The following PDE1A variants were observed in gnomAD, a reference collection of about 807,000 sequenced individuals.
The protein encoded by PDE1A is phosphodiesterase 1A, also known as dual specificity calcium/calmodulin-dependent 3',5'-cyclic nucleotide phosphodiesterase 1A.
A neutral mutation model predicts 61.7 loss-of-function variants in PDE1A; 35 were observed. The observed-to-expected ratio is 0.57, with a 90% CI of 0.43 to 0.75. The LOEUF is 0.75. Ranked by LOEUF, PDE1A falls within the 30% of genes least tolerant of loss-of-function variation. The pLI is 0.00. For synonymous variants in PDE1A, 232 were observed against 213.2 expected (o/e 1.09, Z -0.77); for missense variants, 597 against 630.6 (o/e 0.95, Z 0.57).
chr2:182,241,040 T>C (rs918169659), intron 2 of PDE1A, among the ~76,000 whole-genome samples: 3 of 152,256 alleles, frequency 2.0e-5, no homozygotes, highest in South Asian at 4.2e-4. Flanking sequence ...ACTGAAACAA[T>C]GACCACGCTC....
intron 2 of PDE1A, among the ~76,000 whole-genome samples, chr2:182,247,017 T>C (rs1691022810): frequency 6.6e-6 from 1 of 152,236 alleles, no homozygotes. Context: ...GAAGTTTTAA[T>C]GTATACTCCT....
chr2:182,517,053 T>C (rs55893866), intron 2 of PDE1A, among the ~76,000 whole-genome samples: 51,017 of 152,072 alleles, frequency 0.34, 9,129 homozygotes, highest in Middle Eastern at 0.41. Context: ...TAAGTCTGCC[T>C]ACCCCAAGCC....
At chr2:182,324,689 C>T (rs933071927) in intron 1 of PDE1A, among the ~76,000 whole-genome samples, 1 of 152,178 alleles carries the variant, frequency 6.6e-6, no homozygotes, top group Non-Finnish European at 1.5e-5. Context: ...GCTCATCCCA[C>T]GTCTGTACTC....
chr2:182,315,748 G>C (rs934819864), intron 1 of PDE1A, among the ~76,000 whole-genome samples: 8 of 152,200 alleles, frequency 5.3e-5, no homozygotes, highest in African/African-American at 1.4e-4. Context: ...TGCCTGCCCA[G>C]ACTCCCAGCA....
Position 182,344,064 on chromosome 2 carries a change from G to A in PDE1A, c.54-79650C>T, listed in dbSNP as rs181982896. On this transcript the variant is annotated intron_variant, in intron 1 of 13. Coordinates refer to ENST00000351439, the Ensembl canonical transcript of PDE1A. ...TTTTAATATTTTTTGTAGATTCAAAGTCTCATTATGTTGCCCAGGTTGGTC... is the reference window on the plus strand; with the variant it reads ...TTTTAATATTTTTTGTAGATTCAAAATCTCATTATGTTGCCCAGGTTGGTC... Among the ~76,000 whole-genome samples, 5 of 152,008 alleles carry A rather than the reference G, an allele frequency of 3.3e-5. No individual in the cohort carries two copies. In the East Asian group the frequency reaches 5.8e-4, roughly 18 times the overall value.
At chr2:182,651,860 G>C in the PDE1A span, among the ~76,000 whole-genome samples, 33 of 152,228 alleles carry the variant, frequency 2.2e-4, 1 homozygote, top group Admixed American at 1.8e-3. Context: ...AGGCCTAATA[G>C]GAATATGTGA....
chr2:182,532,111 T>TAA, the PDE1A span, among the ~76,000 whole-genome samples: 6 of 151,946 alleles, frequency 3.9e-5, no homozygotes, highest in East Asian at 3.8e-4. Context: ...ACCATTTTGG[T>TAA]AAAAAAAATT....
the PDE1A span, among the ~76,000 whole-genome samples, chr2:182,664,567 C>T: frequency 2.3e-4 from 35 of 152,242 alleles, no homozygotes; most frequent in African/African-American, 8.2e-4. Context: ...AATGACAACG[C>T]ATTTGGCTTA....
chr2:182,602,496 G>T, the PDE1A span, among the ~76,000 whole-genome samples: 1 of 152,268 alleles, frequency 6.6e-6, no homozygotes, highest in South Asian at 2.1e-4. Context: ...TCAACCCACA[G>T]ATTCAGGAAC....
At chr2:182,707,524 C>T in the PDE1A span, among the ~76,000 whole-genome samples, 5 of 152,058 alleles carry the variant, frequency 3.3e-5, no homozygotes, top group East Asian at 1.9e-4. Flanking sequence ...GTAATAAATA[C>T]GACAACTTAG....
the PDE1A span, among the ~76,000 whole-genome samples, chr2:182,575,757 TTAA>T: frequency 4.8e-5 from 7 of 146,312 alleles, no homozygotes; most frequent in African/African-American, 9.9e-5. Flanking sequence ...ACATATAGTA[TTAA>T]TAATATATTA....
chr2:182,667,741 T>G, the PDE1A span, among the ~76,000 whole-genome samples: 1 of 151,774 alleles, frequency 6.6e-6, no homozygotes, highest in African/African-American at 2.4e-5. Context: ...CACAGAGGGA[T>G]TAGAATTGCT....
chr2:182,699,772 G>C, the PDE1A span, among the ~76,000 whole-genome samples: 1 of 152,142 alleles, frequency 6.6e-6, no homozygotes, highest in African/African-American at 2.4e-5. Flanking sequence ...CTGTGTACCA[G>C]GCTTTTTAAA....
intron 4 of PDE1A, among the ~76,000 whole-genome samples, chr2:182,231,638 T>C (rs774810460): frequency 3.9e-5 from 6 of 152,080 alleles, no homozygotes; most frequent in Non-Finnish European, 8.8e-5. Context: ...AATATCGGCC[T>C]GGTGTGGTGG....
chr2:182,405,443 C>T lies in PDE1A; in HGVS notation c.53+21135G>A, dbSNP rs138491834. Among the ~76,000 whole-genome samples the T allele has an allele frequency of 4.5e-4, 68 of 152,264 alleles. 1 individual carries two copies. In the East Asian group the frequency reaches 0.013, roughly 28 times the overall value. On this transcript the variant is annotated intron_variant, in intron 1 of 13. Coordinates refer to ENST00000351439, the Ensembl canonical transcript of PDE1A. ...TCTGAATAGGATTTTATCAAGCGGT[C>T]CTGACATAAACTTCACTTGCAGGAA...
At chr2:182,692,521 G>C in the PDE1A span, among the ~76,000 whole-genome samples, 2 of 151,918 alleles carry the variant, frequency 1.3e-5, no homozygotes, top group African/African-American at 2.4e-5. Flanking sequence ...GCCTGTTGTG[G>C]GGTGGGGGGA....
chr2:182,644,235 G>A, the PDE1A span, among the ~76,000 whole-genome samples: 1 of 140,218 alleles, frequency 7.1e-6, no homozygotes, highest in African/African-American at 2.7e-5. Context: ...TTTTACTTCC[G>A]ATGTCTCCAG....
At chr2:182,266,679 T>C (rs186215657) in intron 1 of PDE1A, among the ~76,000 whole-genome samples, 1 of 152,180 alleles carries the variant, frequency 6.6e-6, no homozygotes, top group Admixed American at 6.6e-5. Flanking sequence ...ACAGATGATG[T>C]GCATGGAGGT....
intron 6 of PDE1A, among the ~76,000 whole-genome samples, chr2:182,228,662 GT>G (rs1221358497): frequency 1.3e-5 from 2 of 152,102 alleles, no homozygotes; most frequent in African/African-American, 4.8e-5. Context: ...GTGTAACCTA[GT>G]TTAGACAAAA....
Sources: gnomAD v4.1 joint callset for allele counts (sites outside exome capture counted in the v4.1 genomes callset) on GRCh38, gnomAD v4.1.1 for gene constraint, MANE v1.5 for transcripts, NCBI Gene and HGNC (gene_info 2026-07-23, HGNC 2026-07-21) for gene names.